The following MUC6 variants were observed in gnomAD, a reference collection of about 807,000 sequenced individuals.
MUC6 encodes mucin 6, oligomeric mucus/gel-forming (gene/pseudogene).
A neutral mutation model predicts 201.5 loss-of-function variants in MUC6; 188 were observed. That is an observed-to-expected ratio of 0.93 (90% CI 0.83 to 1.05). The LOEUF (loss-of-function observed/expected upper bound fraction) is 1.05. MUC6 is among the 50% of genes least tolerant of loss of function. MUC6 has a pLI of 0.00. For missense variants in MUC6, 2,706 were observed against 3,256.9 expected (o/e 0.83, Z 4.12); for synonymous variants, 1,228 against 1,389.4 (o/e 0.88, Z 2.58).
In MUC6 at chr11:1,031,063, T is replaced by A; in HGVS notation, c.575-7A>T. On this transcript the variant is annotated splice_polypyrimidine_tract_variant and splice_region_variant and intron_variant, in intron 5 of 32. Coordinates refer to ENST00000421673, the MANE Select transcript of MUC6 (RefSeq NM_005961.3). ...TGGGGTTCCAGGAACTTGCCTGGGG[T>A]GCAGAATGGGGGTCAGCACCGTGGG... is the stretch of plus-strand genomic sequence containing the variant. 6.5e-7 allele frequency: 1 copy of A among 1,545,982 alleles called. No homozygotes were observed. Among genetic ancestry groups the A allele is most frequent in the Non-Finnish European group, 8.7e-7 (1 of 1,144,546 alleles).
chr11:1,031,239 G>A lies in MUC6; in HGVS notation c.504C>T (p.Tyr168=). 6.3e-7 allele frequency: 1 copy of A among 1,579,690 alleles called. No homozygotes were observed. The highest frequency in any genetic ancestry group is 8.6e-7 in the Non-Finnish European group (1 of 1,163,542). Residue 168 remains tyrosine, a synonymous_variant, in exon 5 of 33, where the codon TAC becomes TAT. Coordinates refer to ENST00000421673, the MANE Select transcript of MUC6 (RefSeq NM_005961.3). ...CGCAGAGCCCGCACATCTGACCCAT[G>A]TACTTCCGCTCCACCAGAACCTGCG... The part of the protein sequence containing the change: ...SHLMVLVERK[Y]MGQMCGLCGN...
chr11:1,018,511 G>C lies in MUC6; in HGVS notation c.4290C>G (p.Thr1430=). ...GGTGTGATGGGGTTGGATAGGTAGT[G>C]GTGGCATGGAAAGATGTTGCAGTGA... ...GPVTATSFHA[T]TTYPTPSHPE... The change falls in exon 31 of 33, where the codon ACC becomes ACG. Residue 1430 remains threonine, a synonymous_variant. Coordinates refer to ENST00000421673, the MANE Select transcript of MUC6 (RefSeq NM_005961.3). The C allele has an allele frequency of 1.9e-6, 3 of 1,613,788 alleles. No homozygotes were observed. Among genetic ancestry groups the C allele is most frequent in the Non-Finnish European group, 2.5e-6 (3 of 1,179,756 alleles).
chr11:1,021,916 T>C (rs2133823056), intron 26 of MUC6, among the ~76,000 whole-genome samples: 1 of 152,150 alleles, frequency 6.6e-6, no homozygotes, highest in Non-Finnish European at 1.5e-5. Flanking sequence ...GGCCAGGACC[T>C]GTTAATCCCA....
chr11:1,032,724 G>A (rs1436992378), intron 2 of MUC6, among the ~76,000 whole-genome samples: 5 of 150,588 alleles, frequency 3.3e-5, no homozygotes, highest in African/African-American at 1.2e-4. Context: ...TGTGTGTTGG[G>A]TGTGTGTGCA....
Position 1,029,364 on chromosome 11 carries a change from C to G in MUC6, c.1139G>C (p.Arg380Pro). 1 of 1,595,852 alleles carries G rather than the reference C, an allele frequency of 6.3e-7. No individual in the cohort carries two copies. Among genetic ancestry groups the G allele is most frequent in the Non-Finnish European group, 8.5e-7 (1 of 1,171,426 alleles). ...GCACACCCAGCGGCCCAGGGTGCACCGGCTGTGGGTGGGCGTGGGGGTAGC... is the reference window on the plus strand; with the variant it reads ...GCACACCCAGCGGCCCAGGGTGCACGGGCTGTGGGTGGGCGTGGGGGTAGC... ...EVTIAACQTC[R>P]CTLGRWVCTE... is the part of the protein sequence containing the mutation. The change falls in exon 10 of 33, where the codon CGG (arginine) becomes CCG (proline). Residue 380 changes from arginine (R) to proline (P), a missense_variant and splice_region_variant. Physicochemically the swap from Arg to Pro is moderately radical, Grantham distance 103. Coordinates refer to ENST00000421673, the MANE Select transcript of MUC6 (RefSeq NM_005961.3).
At chr11:1,029,989 C>G (rs1329708579) in intron 8 of MUC6, among the ~76,000 whole-genome samples, 3 of 152,212 alleles carry the variant, frequency 2.0e-5, no homozygotes, top group African/African-American at 7.2e-5. Context: ...GTGAGCAGCC[C>G]TCACCGCCCG....
At chr11:1,026,731 C>T (rs1330804644) in intron 19 of MUC6, among the ~76,000 whole-genome samples, 2 of 152,256 alleles carry the variant, frequency 1.3e-5, no homozygotes, top group Non-Finnish European at 2.9e-5. Context: ...CCACCCTCCC[C>T]GAGCTGGTGC....
In MUC6 at chr11:1,019,277, A is replaced by C; in HGVS notation, c.4028T>G (p.Leu1343Arg). The C allele has an allele frequency of 6.2e-7, 1 of 1,613,860 alleles. No homozygotes were observed. The highest frequency in any genetic ancestry group is 1.3e-5 in the African/African-American group (1 of 75,028). The change falls in exon 30 of 33, where the codon CTG (leucine) becomes CGG (arginine). Residue 1343 changes from leucine to arginine, a missense_variant and splice_region_variant. Leu to Arg is a moderately radical substitution (Grantham distance 102). This residue lies in a region of MUC6 where 1,850 missense variants were observed against 1,958.3 expected (regional missense o/e 0.94). Coordinates refer to ENST00000421673, the MANE Select transcript of MUC6 (RefSeq NM_005961.3). ...TPATSGTSPT[L>R]PKSTNQELPG... is the part of the protein sequence containing the mutation. ...CATCCCATGGCGCCATGACTTACGCAGCGTGGGGCTTGTCCCTGATGTGGC... is the reference window on the plus strand; with the variant it reads ...CATCCCATGGCGCCATGACTTACGCCGCGTGGGGCTTGTCCCTGATGTGGC...
intron 28 of MUC6, 141 bp from the exon 29 acceptor site, chr11:1,020,398 T>C: frequency 7.5e-6 from 9 of 1,197,160 alleles, no homozygotes; most frequent in Non-Finnish European, 9.2e-6. Context: ...CCTGTGGCAC[T>C]CTGAGTGCAG....
chr11:1,036,699 C>A lies in MUC6; in HGVS notation c.-44G>T. On this transcript the variant is annotated 5_prime_UTR_variant, in exon 1 of 33. Coordinates refer to ENST00000421673, the MANE Select transcript of MUC6 (RefSeq NM_005961.3). ...GCTCGCGCTGGGCCCGGCAGGCCTGCTGCTGCCATCCATGCGGCTCCAACG... is the reference window on the plus strand; with the variant it reads ...GCTCGCGCTGGGCCCGGCAGGCCTGATGCTGCCATCCATGCGGCTCCAACG... 1 of 1,536,890 alleles carries A rather than the reference C, an allele frequency of 6.5e-7. No homozygotes were observed. The highest frequency in any genetic ancestry group is 8.8e-7 in the Non-Finnish European group (1 of 1,142,336).
chr11:1,027,111 C>T (rs1270185967), intron 18 of MUC6, 30 bp downstream of exon 18: 2 of 1,611,708 alleles, frequency 1.2e-6, no homozygotes, highest in Admixed American at 3.3e-5. Context: ...CCTCACAGTC[C>T]CAGCCTGCGG....
intron 13 of MUC6, 106 bp from the exon 14 acceptor site, chr11:1,028,493 G>C: frequency 6.5e-7 from 1 of 1,537,368 alleles, no homozygotes; most frequent in Non-Finnish European, 8.8e-7. Context: ...CCCTGGGTGA[G>C]AGGCTGCGTG....
At position 1,013,478 on chromosome 11, in the gene MUC6, C is replaced by T. The variant is rs1564829206; in HGVS notation, c.7298G>A (p.Ser2433Asn). The change falls in exon 33 of 33, where the codon AGC becomes AAC. Residue 2433 changes from serine to asparagine, a missense_variant. Ser to Asn is a conservative substitution (Grantham distance 46). This residue lies in a region of MUC6 where 586 missense variants were observed against 488.0 expected (regional missense o/e 1.20). Coordinates refer to ENST00000421673, the MANE Select transcript of MUC6 (RefSeq NM_005961.3). ...CTGCTAGTCTCCACAGGCCACAGAG[C>T]TGCACACGCAGTGGCTGAACACCTG... ...TLQVFSHCVC[S>N]SVACGD 2.5e-6 allele frequency: 4 copies of T among 1,585,134 alleles called. No individual in the cohort carries two copies. The highest frequency in any genetic ancestry group is 3.4e-6 in the Non-Finnish European group (4 of 1,167,264).
chr11:1,018,750 GT>G lies in MUC6; in HGVS notation c.4050del (p.Glu1350AspfsTer106). ...SPTLPKSTNQ[E>X]LPGTTATQTT... ...GTCTGGGTGGCCGTTGTTCCTGGCA[GT>G]TCCTGATTGGTCGATTTTGCTGTGG... On this transcript the variant is annotated frameshift_variant, in exon 31 of 33. Coordinates refer to ENST00000421673, the MANE Select transcript of MUC6 (RefSeq NM_005961.3). LOFTEE classifies it high-confidence loss of function. 6.4e-7 allele frequency: 1 copy of G among 1,567,686 alleles called. No individual in the cohort carries two copies. The highest frequency in any genetic ancestry group is 1.2e-5 in the South Asian group (1 of 84,692).
chr11:1,013,833 C>A, intron 32 of MUC6, 66 bp downstream of exon 32: 2 of 1,521,288 alleles, frequency 1.3e-6, no homozygotes, highest in Non-Finnish European at 8.9e-7. Flanking sequence ...GGTGCCCGAA[C>A]CTCTCTGGGG....
intron 1 of MUC6, 144 bp downstream of exon 1, chr11:1,036,460 G>T (rs1857218444): frequency 9.6e-6 from 9 of 941,172 alleles, no homozygotes; most frequent in Non-Finnish European, 1.2e-5. Flanking sequence ...AGCGGGGGCT[G>T]GTCACGGAGC....
intron 1 of MUC6, among the ~76,000 whole-genome samples, chr11:1,036,134 G>A (rs1360695885): frequency 6.6e-6 from 1 of 152,114 alleles, no homozygotes; most frequent in East Asian, 1.9e-4. Context: ...CCACACCAGG[G>A]GAGGCAGCGT....
chr11:1,034,798 A>C (rs1342851266), intron 1 of MUC6, among the ~76,000 whole-genome samples: 1 of 152,028 alleles, frequency 6.6e-6, no homozygotes, highest in Non-Finnish European at 1.5e-5. Flanking sequence ...GGCTGGCTTC[A>C]CTGCCCCGGG....
intron 20 of MUC6, 56 bp downstream of exon 20, chr11:1,026,271 G>C (rs1156495247): frequency 5.2e-6 from 8 of 1,546,828 alleles, no homozygotes; most frequent in Non-Finnish European, 7.0e-6. Context: ...GGCAGCCTCC[G>C]CCTGCCCCAG....
Sources: allele counts gnomAD v4.1 joint callset (sites outside exome capture counted in the v4.1 genomes callset), GRCh38; gene constraint gnomAD v4.1.1; regional missense constraint gnomAD v4.1.1; transcripts MANE v1.5; gene names NCBI Gene and HGNC (gene_info 2026-07-23, HGNC 2026-07-21).